Variants in MYOM1 observed in about 807,000 individuals in gnomAD.
The protein encoded by MYOM1 is myomesin 1.
MYOM1 carries 164 observed loss-of-function variants against 205.3 expected under a neutral mutation model. The ratio of observed to expected loss-of-function variants is 0.80; its 90% confidence interval spans 0.70 to 0.91. The LOEUF is 0.91. Ranked by LOEUF, MYOM1 falls within the 40% of genes least tolerant of loss-of-function variation. MYOM1 has a pLI of 0.00. For missense variants in MYOM1, 2,011 were observed against 2,127.3 expected (o/e 0.95, Z 1.08); for synonymous variants, 772 against 789.4 (o/e 0.98, Z 0.37).
At chr18:3,119,167 C>A (rs1367988341) in intron 20 of MYOM1, among the ~76,000 whole-genome samples, 1 of 152,154 alleles carries the variant, frequency 6.6e-6, no homozygotes, top group African/African-American at 2.4e-5. Flanking sequence ...GCCCACCCAA[C>A]CACTCCCTAT....
chr18:3,154,616 TACACACACAC>T (rs10625884), intron 11 of MYOM1, among the ~76,000 whole-genome samples: 21 of 145,948 alleles, frequency 1.4e-4, no homozygotes, highest in African/African-American at 4.0e-4. Flanking sequence ...ACCTACTCAA[TACACACACAC>T]ACACACACAC....
chr18:3,129,375 A>G lies in MYOM1; in HGVS notation c.2651T>C (p.Leu884Pro). The change falls in exon 18 of 38, where the codon CTA (leucine) becomes CCA (proline). Residue 884 changes from leucine (L) to proline (P), a missense_variant. Leu to Pro is a moderately conservative substitution (Grantham distance 98). Coordinates refer to ENST00000356443, the MANE Select transcript of MYOM1 (RefSeq NM_003803.4). ...LLGSKPNKPS[L>P]PSSSQNLGQT... ...GCCCAGGTTTTGAGAGCTACTGGGT[A>G]GTGAAGGTTTGTTAGGTTTGCTGCC... is the stretch of plus-strand genomic sequence containing the variant. 2 of 1,613,978 alleles carry G rather than the reference A, an allele frequency of 1.2e-6. No homozygotes were observed. The highest frequency in any genetic ancestry group is 1.3e-5 in the African/African-American group (1 of 75,056).
rs113769573 is a variant in MYOM1, at chr18:3,188,543, C to T, written c.771+205G>A. On this transcript the variant is annotated intron_variant, in intron 4 of 37. Coordinates refer to ENST00000356443, the MANE Select transcript of MYOM1 (RefSeq NM_003803.4). ...ACTTGGGAGGCTGAGGCAGAAGAAT[C>T]GCTTGAATCCGGGAGGCGGAGGCTG... Among the ~76,000 whole-genome samples the T allele has an allele frequency of 0.089, 13,535 of 151,664 alleles. 854 individuals are homozygous for T. Among genetic ancestry groups the T allele is most frequent in the African/African-American group, 0.18 (7,509 of 41,296 alleles).
At chr18:3,071,748 G>T in intron 37 of MYOM1, 86 bp downstream of exon 37, 2 of 1,314,756 alleles carry the variant, frequency 1.5e-6, no homozygotes, top group Middle Eastern at 1.8e-4. Context: ...GCTGTTAAGT[G>T]TGCCTTAAAA....
At chr18:3,160,620 C>T (rs1472242565) in intron 10 of MYOM1, among the ~76,000 whole-genome samples, 3 of 152,118 alleles carry the variant, frequency 2.0e-5, no homozygotes, top group African/African-American at 7.2e-5. Context: ...CTTTAAAAAA[C>T]CTAATATATA....
intron 22 of MYOM1, among the ~76,000 whole-genome samples, chr18:3,103,375 A>G (rs542501770): frequency 3.1e-4 from 47 of 152,362 alleles, no homozygotes; most frequent in African/African-American, 1.1e-3. Context: ...TTTGGATTAA[A>G]AAAAATTCAG....
rs2079940311 is a variant in MYOM1, at chr18:3,135,321, T to G, written c.2209+226A>C. 2.2e-6 allele frequency: 1 copy of G among 450,038 alleles called. No individual in the cohort carries two copies. The highest frequency in any genetic ancestry group is 2.0e-5 in the African/African-American group (1 of 50,502). 27.9% of individuals were successfully genotyped at this position (450,038 alleles called of 1,614,324 possible). The stretch of plus-strand genomic sequence containing the variant: ...ATGGATAAACTAAATGTCCATGAAC[T>G]TCAGAAAAAACACATTATCAATATT... On this transcript the variant is annotated intron_variant, in intron 15 of 37. Transcript: ENST00000356443. The surrounding 1 kb of genome is among the most constrained non-coding windows in gnomAD (Gnocchi z 4.1).
At chr18:3,107,381 T>G (rs2079465767) in intron 22 of MYOM1, among the ~76,000 whole-genome samples, 1 of 152,214 alleles carries the variant, frequency 6.6e-6, no homozygotes, top group African/African-American at 2.4e-5. Flanking sequence ...CCTCCCAAAG[T>G]GCTGGGATTA....
chr18:3,144,595 GTA>G (rs1266061738), intron 13 of MYOM1, among the ~76,000 whole-genome samples: 1 of 152,074 alleles, frequency 6.6e-6, no homozygotes, highest in Non-Finnish European at 1.5e-5. Flanking sequence ...GAAACACATT[GTA>G]TTAATATAAA....
In MYOM1 at chr18:3,100,167, T is replaced by C. The variant is rs1229311092; in HGVS notation, c.3719A>G (p.Lys1240Arg). 7 of 1,613,782 alleles carry C rather than the reference T, an allele frequency of 4.3e-6. No homozygotes were observed. The highest frequency in any genetic ancestry group is 5.9e-6 in the Non-Finnish European group (7 of 1,179,888). The change falls in exon 25 of 38, where the codon AAG becomes AGG. Residue 1240 changes from lysine to arginine, a missense_variant. Coordinates refer to ENST00000356443, the MANE Select transcript of MYOM1 (RefSeq NM_003803.4). ...GTATTGTGGATACTTACTTGGGAAC[T>C]TGTGTTCATGGCTGAGAGCAAGTAA... is the stretch of plus-strand genomic sequence containing the variant. Reference protein sequence around the residue: ...KRLLALSHEHKFPTVPVKSEL... With the variant: ...KRLLALSHEHRFPTVPVKSEL...
chr18:3,126,913 T>C lies in MYOM1; in HGVS notation c.2795-16A>G. On this transcript the variant is annotated splice_polypyrimidine_tract_variant and intron_variant, in intron 18 of 37. Coordinates refer to ENST00000356443, the MANE Select transcript of MYOM1 (RefSeq NM_003803.4). ...GATGGTGGTGCTGTAGCAATATGAA[T>C]AGCTTGTGAGTAGGCAGAAATGCAT... is the stretch of plus-strand genomic sequence containing the variant. 6.3e-7 allele frequency: 1 copy of C among 1,595,920 alleles called. No homozygotes were observed. The highest frequency in any genetic ancestry group is 8.5e-7 in the Non-Finnish European group (1 of 1,170,070).
At chr18:3,198,461 A>T (rs1023347139) in intron 2 of MYOM1, among the ~76,000 whole-genome samples, 2 of 152,168 alleles carry the variant, frequency 1.3e-5, no homozygotes, top group African/African-American at 2.4e-5. Flanking sequence ...TGCCTGACAT[A>T]ATTCAATAAA....
chr18:3,134,438 A>G (rs986393829), intron 16 of MYOM1, among the ~76,000 whole-genome samples: 2 of 151,584 alleles, frequency 1.3e-5, no homozygotes, highest in Non-Finnish European at 1.5e-5. Flanking sequence ...ATAGGGTCTC[A>G]CTGTGTTGGC....
At chr18:3,197,766 G>A (rs12326805) in intron 2 of MYOM1, among the ~76,000 whole-genome samples, 10,793 of 151,922 alleles carry the variant, frequency 0.071, 522 homozygotes, top group Non-Finnish European at 0.11. Context: ...CCAGCTACTC[G>A]GGAGGCTGAG....
At chr18:3,125,602 G>GCA (rs144474126) in intron 19 of MYOM1, among the ~76,000 whole-genome samples, 1,968 of 150,550 alleles carry the variant, frequency 0.013, 33 homozygotes, top group African/African-American at 0.045. Context: ...CGCATTCTCA[G>GCA]CATGTGTGTG....
In MYOM1 at chr18:3,112,462, G is replaced by A. The variant is rs201577512; in HGVS notation, c.3304-50C>T. On this transcript the variant is annotated intron_variant, in intron 21 of 37. Coordinates refer to ENST00000356443, the MANE Select transcript of MYOM1 (RefSeq NM_003803.4). ...ATGGGTGTTTGATGAAGCAGTGGCT[G>A]TTTTATGTCATTTAAACAGACGGGG... 6.8e-5 allele frequency: 97 copies of A among 1,428,050 alleles called. No homozygotes were observed. The African/African-American group carries it at 1.2e-3, about 17-fold the overall frequency. 88.5% of individuals were successfully genotyped at this position (1,428,050 alleles called of 1,614,324 possible).
At chr18:3,103,262 T>C (rs2079405538) in intron 22 of MYOM1, among the ~76,000 whole-genome samples, 2 of 152,342 alleles carry the variant, frequency 1.3e-5, no homozygotes, top group South Asian at 2.1e-4. Flanking sequence ...GATGCCCCTC[T>C]AGATTAGAGT....
At chr18:3,180,565 A>T (rs2080714988) in intron 5 of MYOM1, among the ~76,000 whole-genome samples, 1 of 152,348 alleles carries the variant, frequency 6.6e-6, no homozygotes, top group East Asian at 1.9e-4. Flanking sequence ...TTTCTAGAAC[A>T]TGAAATTCCA....
the MYOM1 span, among the ~76,000 whole-genome samples, chr18:3,228,822 T>C: frequency 6.6e-6 from 1 of 152,204 alleles, no homozygotes. This position sits in a 1 kb window ranked among gnomAD's most constrained non-coding sequence, Gnocchi z 4.5. Flanking sequence ...CAGCTTTTTC[T>C]AGAAATTTCA....
Sources: gnomAD v4.1 joint callset for allele counts (sites outside exome capture counted in the v4.1 genomes callset) on GRCh38, gnomAD v4.1.1 for gene constraint, Gnocchi (gnomAD v3.1) non-coding constraint, MANE v1.5 for transcripts, NCBI Gene and HGNC (gene_info 2026-07-23, HGNC 2026-07-21) for gene names.